NHS: variants seen among roughly 807,000 people sequenced by gnomAD.
NHS encodes the protein actin remodeling regulator NHS.
In NHS, 5 loss-of-function variants were observed where a neutral mutation model predicts 72.5. The observed-to-expected ratio is 0.07, with a 90% CI of 0.04 to 0.14. NHS has a LOEUF of 0.14. Among genes scored for constraint, NHS ranks in the 10% least tolerant of loss-of-function variants. NHS has a pLI of 1.00. For synonymous variants in NHS, 464 were observed against 547.7 expected, an observed-to-expected ratio of 0.85 and a Z score of 2.13; for missense variants, 1,072 against 1,355.7, an observed-to-expected ratio of 0.79 and a Z score of 3.29.
chrX:17,639,860 A>T (rs184033707), intron 1 of NHS, among the ~76,000 whole-genome samples: 76 of 112,468 alleles, frequency 6.8e-4, no homozygotes, highest in African/African-American at 2.2e-3. Flanking sequence ...AGGCCCATCC[A>T]CAGGAAGGAG....
chrX:17,610,888 A>G (rs753011898), intron 1 of NHS, among the ~76,000 whole-genome samples: 34 of 112,236 alleles, frequency 3.0e-4, no homozygotes, highest in Middle Eastern at 4.6e-3. Context: ...TGCAAACTTC[A>G]CTCCGTGTAA....
intron 1 of NHS, among the ~76,000 whole-genome samples, chrX:17,435,098 C>T (rs776733620): frequency 1.2e-4 from 14 of 112,024 alleles, no homozygotes; most frequent in South Asian, 1.1e-3. Context: ...CAGTGGTTTT[C>T]GGCCTTGACT....
intron 1 of NHS, among the ~76,000 whole-genome samples, chrX:17,615,109 TATATATATACACAC>T (rs1331894516): frequency 9.1e-5 from 9 of 98,682 alleles, no homozygotes; most frequent in African/African-American, 3.3e-4. Flanking sequence ...TATATGTATA[TATATATATACACAC>T]ATATACATAT....
At chrX:17,686,406 G>T (rs2066162898) in intron 1 of NHS, among the ~76,000 whole-genome samples, 1 of 111,799 alleles carries the variant, frequency 8.9e-6, no homozygotes. Flanking sequence ...GGGAATGAGG[G>T]ACTAGAAGAG....
intron 3 of NHS, among the ~76,000 whole-genome samples, chrX:17,712,437 C>T (rs903001032): frequency 1.0e-5 from 1 of 96,955 alleles, no homozygotes; most frequent in African/African-American, 3.9e-5. Flanking sequence ...TCAGGAGAAT[C>T]AAGAAAGTGG....
At chrX:17,589,537 G>C (rs1248910936) in intron 1 of NHS, among the ~76,000 whole-genome samples, 1 of 111,920 alleles carries the variant, frequency 8.9e-6, no homozygotes, top group Non-Finnish European at 1.9e-5. Context: ...GTATTCCATG[G>C]TATGTATGTG....
rs2065809060 is a variant in NHS at position 17,628,475 on chromosome X, A to G, written c.566-59267A>G. 2.7e-5 allele frequency among the ~76,000 whole-genome samples: 3 copies of G among 112,926 alleles called. No homozygotes were observed. In the Admixed American group the frequency reaches 2.8e-4, roughly 10 times the overall value. On this transcript the variant is annotated intron_variant, in intron 1 of 8. Coordinates refer to ENST00000676302, the MANE Select transcript of NHS (RefSeq NM_001291867.2). Reference sequence around the variant, plus strand: ...CTCTCATGCATGCATATGCATGCTTACACCCATGGACTCACACACAAACAC... The same window carrying G: ...CTCTCATGCATGCATATGCATGCTTGCACCCATGGACTCACACACAAACAC...
At chrX:17,564,989 T>A (rs764774486) in intron 1 of NHS, among the ~76,000 whole-genome samples, 10 of 110,017 alleles carry the variant, frequency 9.1e-5, no homozygotes, top group African/African-American at 1.4e-4. Context: ...ATTTATTTTT[T>A]TTTTTTGCAG....
chrX:17,615,973 G>A (rs1016578093), intron 1 of NHS, among the ~76,000 whole-genome samples: 3 of 111,349 alleles, frequency 2.7e-5, no homozygotes, highest in Non-Finnish European at 3.8e-5. Context: ...AGTTAATTAC[G>A]TGCTTGAAAA....
At chrX:17,415,310 C>G (rs2064587542) in intron 1 of NHS, among the ~76,000 whole-genome samples, 2 of 111,504 alleles carry the variant, frequency 1.8e-5, no homozygotes, top group African/African-American at 6.5e-5. Flanking sequence ...GGACTCCTCT[C>G]TCCTCTGTGT....
intron 6 of NHS, among the ~76,000 whole-genome samples, chrX:17,724,963 T>C (rs2066431450): frequency 9.0e-6 from 1 of 111,674 alleles, no homozygotes; most frequent in Non-Finnish European, 1.9e-5. Flanking sequence ...TTTCTAATAA[T>C]GAGACCTATG....
chrX:17,382,739 A>G (rs746790913), intron 1 of NHS, among the ~76,000 whole-genome samples: 1 of 112,112 alleles, frequency 8.9e-6, no homozygotes, highest in Non-Finnish European at 1.9e-5. Context: ...CTCTGTGCTA[A>G]CCTTTATCTT....
At chrX:17,590,814 C>T (rs776568957) in intron 1 of NHS, among the ~76,000 whole-genome samples, 16 of 111,018 alleles carry the variant, frequency 1.4e-4, no homozygotes, top group African/African-American at 4.9e-4. Flanking sequence ...CACACACATC[C>T]CCCCCAACAC....
intron 6 of NHS, 91 bp from the exon 7 acceptor site, chrX:17,725,256 C>T: frequency 1.1e-6 from 1 of 883,641 alleles, no homozygotes; most frequent in Non-Finnish European, 1.6e-6. Context: ...CAGCTCTAAC[C>T]TGCCAGCCCA....
chrX:17,412,903 G>A (rs1382273268), intron 1 of NHS, among the ~76,000 whole-genome samples: 5 of 112,543 alleles, frequency 4.4e-5, no homozygotes, highest in Middle Eastern at 4.6e-3. Flanking sequence ...CACTGAGTGC[G>A]AAAGCAGCCA....
In NHS at chrX:17,733,838, A is replaced by T. The variant is rs58018369; in HGVS notation, c.*1374A>T. On this transcript the variant is annotated 3_prime_UTR_variant, in exon 9 of 9. Transcript: ENST00000676302. ...GCTTGATGGCAAAAGGGGAGGGTGG[A>T]GGGTGGGAGAGGAAATGTCAGGGCA... The T allele has an allele frequency of 0.19, 20,879 of 110,265 alleles. 4,471 individuals are homozygous for T. The highest frequency in any genetic ancestry group is 0.63 in the African/African-American group (18,619 of 29,784). The allele number at this position is 110,265 out of a possible 1,213,427, so 9.1% of individuals were successfully genotyped here.
chrX:17,732,268 G>C lies in NHS; in HGVS notation c.4760G>C (p.Gly1587Ala). The change falls in exon 9 of 9, where the codon GGC (glycine) becomes GCC (alanine). Residue 1587 changes from glycine to alanine, a missense_variant. Transcript: ENST00000676302. ...TGCTCCCCACGAGTTAATGCAGAAGGCTTTTCCTCGAAGAGCTTTGCCACC... is the reference window on the plus strand; with the variant it reads ...TGCTCCCCACGAGTTAATGCAGAAGCCTTTTCCTCGAAGAGCTTTGCCACC... ...SPCSPRVNAE[G>A]FSSKSFATSA... 1 of 1,212,011 alleles carries C rather than the reference G, an allele frequency of 8.3e-7. No individual in the cohort carries two copies.
chrX:17,627,054 T>A (rs1209165763), intron 1 of NHS, among the ~76,000 whole-genome samples: 1 of 112,311 alleles, frequency 8.9e-6, no homozygotes, highest in Non-Finnish European at 1.9e-5. Context: ...GAGTTTTATC[T>A]CCCTCTAATA....
In NHS at chrX:17,727,029, A is replaced by G. The variant is rs1167296334; in HGVS notation, c.2923A>G (p.Ile975Val). ...NSSTATGTTVIECIKSPESSE... is the reference protein window; with the variant it reads ...NSSTATGTTVVECIKSPESSE... ...AAGCACCGCTACGGGTACCACAGTC[A>G]TTGAATGCATCAAATCTCCAGAGAG... Residue 975 changes from isoleucine to valine, a missense_variant, in exon 7 of 9, where the codon ATT becomes GTT. By Grantham distance (29) the Ile-to-Val change is conservative. Transcript: ENST00000676302. The G allele has an allele frequency of 4.1e-6, 5 of 1,212,062 alleles. No individual in the cohort carries two copies. The highest frequency in any genetic ancestry group is 1.7e-5 in the African/African-American group (1 of 57,882).
Sources: allele counts gnomAD v4.1 joint callset (sites outside exome capture counted in the v4.1 genomes callset), GRCh38; gene constraint gnomAD v4.1.1; transcripts MANE v1.5; gene names NCBI Gene and HGNC (gene_info 2026-07-23, HGNC 2026-07-21).